Variants in CNTNAP5 observed in about 807,000 individuals in gnomAD.
The protein encoded by CNTNAP5 is contactin-associated protein-like 5.
In CNTNAP5, 72 loss-of-function variants were observed where a neutral mutation model predicts 150.2. The ratio of observed to expected loss-of-function variants is 0.48; its 90% CI spans 0.40 to 0.58. CNTNAP5 has a LOEUF of 0.58. Ranked by LOEUF, CNTNAP5 falls within the 20% of genes least tolerant of loss-of-function variation. CNTNAP5 has a pLI of 0.00. For synonymous variants in CNTNAP5, 672 were observed against 619.8 expected, an observed-to-expected ratio of 1.08 and a Z score of -1.25; for missense variants, 1,636 against 1,626.2, an observed-to-expected ratio of 1.01 and a Z score of -0.10.
chr2:124,055,909 G>A (rs573292381), intron 1 of CNTNAP5, among the ~76,000 whole-genome samples: 3 of 151,468 alleles, frequency 2.0e-5, no homozygotes, highest in African/African-American at 2.4e-5. Context: ...TCCCTCTCCC[G>A]CACCATCCAT....
intron 1 of CNTNAP5, among the ~76,000 whole-genome samples, chr2:124,117,282 A>G (rs926042530): frequency 2.6e-5 from 4 of 152,130 alleles, no homozygotes; most frequent in African/African-American, 9.7e-5. Flanking sequence ...TCCATTTGAT[A>G]TTATTCTATC....
At chr2:124,913,394 G>A (rs1435307805) in intron 23 of CNTNAP5, among the ~76,000 whole-genome samples, 1 of 152,020 alleles carries the variant, frequency 6.6e-6, no homozygotes, top group Non-Finnish European at 1.5e-5. Flanking sequence ...AGAATAGCTT[G>A]CAACATAATC....
At chr2:124,624,797 G>A (rs1677685484) in intron 12 of CNTNAP5, among the ~76,000 whole-genome samples, 1 of 152,148 alleles carries the variant, frequency 6.6e-6, no homozygotes, top group Admixed American at 6.5e-5. Flanking sequence ...GGGGGTGGTG[G>A]GCAGAGAAGA....
intron 22 of CNTNAP5, among the ~76,000 whole-genome samples, chr2:124,909,065 A>G (rs1201388760): frequency 6.6e-6 from 1 of 152,140 alleles, no homozygotes; most frequent in Non-Finnish European, 1.5e-5. Context: ...CAATAAATGT[A>G]GTGTAGCCTA....
intron 1 of CNTNAP5, among the ~76,000 whole-genome samples, chr2:124,123,770 G>A (rs184035826): frequency 6.6e-6 from 1 of 152,250 alleles, no homozygotes; most frequent in African/African-American, 2.4e-5. Context: ...TGCAGCCTCC[G>A]CTAGTGATAC....
chr2:124,876,356 T>C (rs923093386), intron 21 of CNTNAP5, among the ~76,000 whole-genome samples: 38 of 151,580 alleles, frequency 2.5e-4, no homozygotes, highest in Admixed American at 2.0e-4. Context: ...GAAAGGCTAC[T>C]TCTCAGAAGC....
chr2:124,094,681 T>A (rs1363391078), intron 1 of CNTNAP5, among the ~76,000 whole-genome samples: 2 of 152,288 alleles, frequency 1.3e-5, no homozygotes, highest in Admixed American at 6.5e-5. Context: ...GAAGGGGTAC[T>A]TTTTTTCTTT....
At chr2:124,296,764 C>A (rs139317627) in intron 3 of CNTNAP5, among the ~76,000 whole-genome samples, 6 of 152,156 alleles carry the variant, frequency 3.9e-5, no homozygotes, top group African/African-American at 1.2e-4. Flanking sequence ...TCCTCAATAC[C>A]CCCTCTCCCC....
intron 1 of CNTNAP5, among the ~76,000 whole-genome samples, chr2:124,206,432 C>T (rs79100317): frequency 2.0e-5 from 3 of 152,300 alleles, no homozygotes; most frequent in African/African-American, 4.8e-5. Flanking sequence ...CAACATAATG[C>T]GTGTATGAAT....
intron 13 of CNTNAP5, among the ~76,000 whole-genome samples, chr2:124,691,345 G>A (rs1679297117): frequency 6.6e-6 from 1 of 152,014 alleles, no homozygotes; most frequent in Non-Finnish European, 1.5e-5. Context: ...AATGCTTTTA[G>A]GTTTTATGGC....
chr2:124,160,751 C>A (rs942837601), intron 1 of CNTNAP5, among the ~76,000 whole-genome samples: 3 of 152,140 alleles, frequency 2.0e-5, no homozygotes, highest in Admixed American at 1.3e-4. Flanking sequence ...TGCTTCTGCA[C>A]AAGCAAACCC....
intron 13 of CNTNAP5, among the ~76,000 whole-genome samples, chr2:124,662,207 T>C (rs1409548271): frequency 6.6e-6 from 1 of 152,224 alleles, no homozygotes; most frequent in Non-Finnish European, 1.5e-5. Context: ...ATGTGCCACA[T>C]TTTCTTTATC....
At chr2:124,643,566 G>A (rs6718524) in intron 12 of CNTNAP5, among the ~76,000 whole-genome samples, 89,615 of 151,920 alleles carry the variant, frequency 0.59, 27,081 homozygotes, top group African/African-American at 0.65. Context: ...ACAGTCCATC[G>A]CACTTGTTAA....
Position 124,417,586 on chromosome 2 carries a change from C to G in CNTNAP5, c.525C>G (p.Ser175=), listed in dbSNP as rs749813678. 1.2e-6 allele frequency: 2 copies of G among 1,612,782 alleles called. No homozygotes were observed. The highest frequency in any genetic ancestry group is 1.7e-6 in the Non-Finnish European group (2 of 1,179,342). ...IGMRVEVYGC[S]YKSDVADFDG... is the part of the protein sequence containing the mutation. ...TGAGAGTCGAGGTCTACGGATGTTC[C>G]TATAGTAAGTACTCACATGTACCCT... is the stretch of plus-strand genomic sequence containing the variant. Residue 175 remains serine (S), a synonymous_variant, in exon 4 of 24, where the codon TCC becomes TCG. Coordinates refer to ENST00000682447, the MANE Select transcript of CNTNAP5 (RefSeq NM_001367498.1).
At chr2:124,067,442 C>T (rs1178495536) in intron 1 of CNTNAP5, among the ~76,000 whole-genome samples, 1 of 152,158 alleles carries the variant, frequency 6.6e-6, no homozygotes, top group Non-Finnish European at 1.5e-5. Context: ...GGCTACATTG[C>T]CACCTCCTCT....
At chr2:124,278,333 T>C (rs2104620139) in intron 3 of CNTNAP5, among the ~76,000 whole-genome samples, 1 of 152,240 alleles carries the variant, frequency 6.6e-6, no homozygotes, top group Non-Finnish European at 1.5e-5. Flanking sequence ...AAGTGATAAT[T>C]CGATTAAAAA....
At chr2:124,488,715 G>A (rs1266927242) in intron 7 of CNTNAP5, among the ~76,000 whole-genome samples, 3 of 152,202 alleles carry the variant, frequency 2.0e-5, no homozygotes, top group Non-Finnish European at 2.9e-5. Flanking sequence ...AATATTCATT[G>A]AAGCTTATGT....
chr2:124,429,790 A>T (rs1340847614), intron 4 of CNTNAP5, among the ~76,000 whole-genome samples: 1 of 152,092 alleles, frequency 6.6e-6, no homozygotes, highest in Non-Finnish European at 1.5e-5. Flanking sequence ...GAAGAAACTA[A>T]CTCTCCCAGT....
At chr2:124,414,150 G>C (rs1032691319) in intron 3 of CNTNAP5, among the ~76,000 whole-genome samples, 1 of 118,130 alleles carries the variant, frequency 8.5e-6, no homozygotes, top group African/African-American at 3.2e-5. Context: ...TGAGTAGTTT[G>C]TTGTCATTCT....
Sources: allele counts gnomAD v4.1 joint callset (sites outside exome capture counted in the v4.1 genomes callset), GRCh38; gene constraint gnomAD v4.1.1; transcripts MANE v1.5; gene names NCBI Gene and HGNC (gene_info 2026-07-23, HGNC 2026-07-21).